FBXL7: variants seen among roughly 807,000 people sequenced by gnomAD.
FBXL7 encodes F-box and leucine rich repeat protein 7, also known as F-box/LRR-repeat protein 7.
Under a neutral mutation model 38.3 loss-of-function variants are expected in FBXL7, and 12 were observed. The ratio of observed to expected loss-of-function variants is 0.31; its 90% CI spans 0.20 to 0.51. FBXL7 has a LOEUF of 0.51. Among genes scored for constraint, FBXL7 ranks in the 20% least tolerant of loss-of-function variants. The pLI, the probability that FBXL7 is intolerant of heterozygous loss-of-function variation, is 0.98. For synonymous variants in FBXL7, 297 were observed against 300.9 expected, an observed-to-expected ratio of 0.99 and a Z score of 0.13; for missense variants, 567 against 676.4, an observed-to-expected ratio of 0.84 and a Z score of 1.79.
intron 2 of FBXL7, among the ~76,000 whole-genome samples, chr5:15,785,885 T>C (rs1737121086): frequency 6.6e-6 from 1 of 152,252 alleles, no homozygotes; most frequent in African/African-American, 2.4e-5. Context: ...ATCCCCGGCT[T>C]TGACTGCAGC....
intron 2 of FBXL7, among the ~76,000 whole-genome samples, chr5:15,805,968 A>G (rs1247502891): frequency 6.6e-6 from 1 of 152,200 alleles, no homozygotes; most frequent in South Asian, 2.1e-4. Flanking sequence ...TTTTTGTTGT[A>G]TAGTCCTTTA....
intron 2 of FBXL7, among the ~76,000 whole-genome samples, chr5:15,845,262 G>A (rs970043304): frequency 7.9e-5 from 12 of 152,150 alleles, no homozygotes; most frequent in Non-Finnish European, 1.6e-4. Context: ...CTTCTGATGC[G>A]GTGAATTGAC....
rs150739865 is a variant in FBXL7, at chr5:15,914,182, C to G, written c.128-13708C>G. ...CGGGCGGATCTCGAGGTCAGGTGAT[C>G]GAGACCATCCTGGCTAACATGATAA... On this transcript the variant is annotated intron_variant, in intron 2 of 3. Transcript: ENST00000504595. Among the ~76,000 whole-genome samples, 977 of 151,872 alleles carry G rather than the reference C, an allele frequency of 6.4e-3. 6 individuals carry two copies. Among genetic ancestry groups the G allele is most frequent in the African/African-American group, 0.023 (935 of 41,400 alleles).
At chr5:15,593,910 T>A (rs1213193295) in intron 1 of FBXL7, among the ~76,000 whole-genome samples, 1 of 152,166 alleles carries the variant, frequency 6.6e-6, no homozygotes, top group Non-Finnish European at 1.5e-5. Flanking sequence ...CCTTGGAAGG[T>A]AACCCCAAAG....
At chr5:15,541,443 G>GTA (rs56810372) in intron 1 of FBXL7, among the ~76,000 whole-genome samples, 7,312 of 38,106 alleles carry the variant, frequency 0.19, 796 homozygotes, top group Admixed American at 0.26. Context: ...GTGTGTGTGT[G>GTA]TATATATATA....
At chr5:15,632,639 G>A (rs1397395186) in intron 2 of FBXL7, among the ~76,000 whole-genome samples, 1 of 152,142 alleles carries the variant, frequency 6.6e-6, no homozygotes, top group Non-Finnish European at 1.5e-5. Context: ...CAATGGTGGA[G>A]TGGATAAAGA....
At chr5:15,890,274 A>G (rs1715255860) in intron 2 of FBXL7, among the ~76,000 whole-genome samples, 2 of 151,886 alleles carry the variant, frequency 1.3e-5, no homozygotes, top group African/African-American at 4.8e-5. Context: ...TTTTTTTAAG[A>G]CAGAGTTTTG....
chr5:15,810,588 A>C (rs981478612), intron 2 of FBXL7, among the ~76,000 whole-genome samples: 2 of 151,914 alleles, frequency 1.3e-5, no homozygotes, highest in Non-Finnish European at 2.9e-5. Context: ...ATAAAACATG[A>C]AATACAGATT....
chr5:15,817,172 TAGTG>T (rs1738040296), intron 2 of FBXL7, among the ~76,000 whole-genome samples: 1 of 152,144 alleles, frequency 6.6e-6, no homozygotes, highest in Non-Finnish European at 1.5e-5. Context: ...TTTGAAAACA[TAGTG>T]AGAGGGAATA....
rs529226482 is a variant in FBXL7 at position 15,616,760 on chromosome 5, T to C, written c.127+688T>C. Among the ~76,000 whole-genome samples, 6 of 152,354 alleles carry C rather than the reference T, an allele frequency of 3.9e-5. No homozygotes were observed. The South Asian group carries it at 8.3e-4, about 21-fold the overall frequency. On this transcript the variant is annotated intron_variant, in intron 2 of 3. Transcript: ENST00000504595. ...ATTTAGTGGAAAGTTGACCCAATTA[T>C]AGAATCAGCTCTTTTTATTTTAATG...
rs116908258 is a variant in FBXL7 at position 15,603,697 on chromosome 5, G to T, written c.38-12286G>T. ...CACTTATTAGATGGTTTGGCGTAAAGAAAGTACCAGTTAGGACATTCAGTG... is the reference window on the plus strand; with the variant it reads ...CACTTATTAGATGGTTTGGCGTAAATAAAGTACCAGTTAGGACATTCAGTG... On this transcript the variant is annotated intron_variant, in intron 1 of 3. Transcript: ENST00000504595. Among the ~76,000 whole-genome samples, 497 of 152,346 alleles carry T rather than the reference G, an allele frequency of 3.3e-3. 16 individuals carry two copies. In the East Asian group the frequency reaches 0.069, roughly 21 times the overall value.
chr5:15,917,543 G>C (rs1305828494), intron 2 of FBXL7, among the ~76,000 whole-genome samples: 1 of 152,064 alleles, frequency 6.6e-6, no homozygotes. Context: ...AGGGGTTCAA[G>C]GTTGCAGTGA....
intron 2 of FBXL7, among the ~76,000 whole-genome samples, chr5:15,791,305 G>A (rs1175714290): frequency 6.6e-6 from 1 of 152,138 alleles, no homozygotes; most frequent in East Asian, 1.9e-4. Context: ...GTTTAATTCT[G>A]TGGTTCTTTG....
intron 2 of FBXL7, among the ~76,000 whole-genome samples, chr5:15,702,392 G>A (rs938862829): frequency 6.6e-6 from 1 of 152,154 alleles, no homozygotes; most frequent in African/African-American, 2.4e-5. Context: ...AAAAATGGCG[G>A]CATTGAAAGA....
At position 15,832,707 on chromosome 5, in the gene FBXL7, A is replaced by G. The variant is rs919378712; in HGVS notation, c.128-95183A>G. Among the ~76,000 whole-genome samples the G allele has an allele frequency of 9.2e-5, 14 of 152,308 alleles. No individual in the cohort carries two copies. The East Asian group carries it at 2.3e-3, about 25-fold the overall frequency. ...AGGAACCAAGGCAATAAGAGATCTC[A>G]GAGGGCTTCATTCTGCAGGTCGGGA... On this transcript the variant is annotated intron_variant, in intron 2 of 3. Coordinates refer to ENST00000504595, the MANE Select transcript of FBXL7 (RefSeq NM_012304.5).
chr5:15,612,147 C>T (rs1740262685), intron 1 of FBXL7, among the ~76,000 whole-genome samples: 1 of 151,926 alleles, frequency 6.6e-6, no homozygotes, highest in Non-Finnish European at 1.5e-5. Flanking sequence ...ATGTATTAAG[C>T]AGAATCACAT....
At chr5:15,933,510 G>A (rs1479896438) in intron 3 of FBXL7, among the ~76,000 whole-genome samples, 1 of 152,138 alleles carries the variant, frequency 6.6e-6, no homozygotes, top group Non-Finnish European at 1.5e-5. Context: ...CAGGATTACA[G>A]TCAGCCTCAA....
At chr5:15,601,755 G>A (rs1739800182) in intron 1 of FBXL7, among the ~76,000 whole-genome samples, 1 of 152,102 alleles carries the variant, frequency 6.6e-6, no homozygotes, top group African/African-American at 2.4e-5. Flanking sequence ...GATCATTTGA[G>A]AGACTCAGGG....
At chr5:15,551,168 T>TAGAG (rs1738055187) in intron 1 of FBXL7, among the ~76,000 whole-genome samples, 1 of 152,154 alleles carries the variant, frequency 6.6e-6, no homozygotes, top group African/African-American at 2.4e-5. Context: ...AGGGCTTTAT[T>TAGAG]AGAGAAATCA....
Sources: gnomAD v4.1 joint callset for allele counts (sites outside exome capture counted in the v4.1 genomes callset) on GRCh38, gnomAD v4.1.1 for gene constraint, MANE v1.5 for transcripts, NCBI Gene and HGNC (gene_info 2026-07-23, HGNC 2026-07-21) for gene names.